The following CDK10 variants were observed in gnomAD, a reference collection of about 807,000 sequenced individuals.
The protein encoded by CDK10 is cyclin dependent kinase 10.
CDK10 carries 55 observed loss-of-function variants against 51.0 expected under a neutral mutation model. The observed-to-expected ratio is 1.08, with a 90% confidence interval of 0.87 to 1.35. The LOEUF is 1.35. Among genes scored for constraint, CDK10 ranks in the 40% most tolerant of loss-of-function variants. The pLI, the probability that CDK10 is intolerant of heterozygous loss-of-function variation, is 0.00. For missense variants in CDK10, 589 were observed against 485.1 expected (o/e 1.21, Z -2.01); for synonymous variants, 255 against 199.1 (o/e 1.28, Z -2.36).
At chr16:89,689,628 G>A in intron 2 of CDK10, 1 of 346,852 alleles carries the variant, frequency 2.9e-6, no homozygotes, top group Non-Finnish European at 5.4e-6. Flanking sequence ...GCTGGACATG[G>A]TGCTCATGTC....
At chr16:89,689,009 A>G (rs2060323859) in intron 1 of CDK10, among the ~76,000 whole-genome samples, 1 of 152,210 alleles carries the variant, frequency 6.6e-6, no homozygotes, top group African/African-American at 2.4e-5. Flanking sequence ...CTGAGGCCGG[A>G]GAATCACTTG....
chr16:89,694,441 A>G (rs1033316605), intron 9 of CDK10: 10 of 863,446 alleles, frequency 1.2e-5, no homozygotes, highest in Admixed American at 2.2e-5. Flanking sequence ...GGGAGCACAG[A>G]GGTCTGGAGG....
intron 1 of CDK10, chr16:89,687,681 G>A (rs779191838): frequency 8.7e-5 from 38 of 436,446 alleles, no homozygotes; most frequent in Non-Finnish European, 1.4e-4. Flanking sequence ...TTCCTGCCTC[G>A]GCCTCCCAAG....
chr16:89,695,893 G>A lies in CDK10; in HGVS notation c.*201G>A, dbSNP rs906633397. ...GAAAAAGGCCGGGTGACACCGGGGG[G>A]CTCCCAGCCCGTGCACCCTGGAAGG... On this transcript the variant is annotated 3_prime_UTR_variant, in exon 13 of 13. Coordinates refer to ENST00000353379, the MANE Select transcript of CDK10 (RefSeq NM_052988.5). 4 of 1,234,602 alleles carry A rather than the reference G, an allele frequency of 3.2e-6. No individual in the cohort carries two copies. The African/African-American group carries it at 4.5e-5, about 14-fold the overall frequency. The allele number at this position is 1,234,602 out of a possible 1,614,324, so 76.5% of individuals were successfully genotyped here.
chr16:89,694,334 C>A, intron 9 of CDK10, 102 bp downstream of exon 9: 4 of 1,246,364 alleles, frequency 3.2e-6, no homozygotes, highest in Non-Finnish European at 4.6e-6. Flanking sequence ...GGCAGGAGTG[C>A]AGTGGGGTCT....
intron 6 of CDK10, among the ~76,000 whole-genome samples, chr16:89,692,842 TAATA>T (rs2060512937): frequency 6.7e-6 from 1 of 149,778 alleles, no homozygotes; most frequent in South Asian, 2.2e-4. Flanking sequence ...AAAAAAAAAA[TAATA>T]AAGATACTAC....
chr16:89,686,986 C>T (rs958232581), intron 1 of CDK10, 189 bp downstream of exon 1: 5 of 525,508 alleles, frequency 9.5e-6, no homozygotes, highest in Non-Finnish European at 1.7e-5. Context: ...ACAGCCGGTC[C>T]CTGGAGATCT....
chr16:89,691,235 A>G (rs2060431057), intron 3 of CDK10, among the ~76,000 whole-genome samples: 1 of 151,904 alleles, frequency 6.6e-6, no homozygotes, highest in Admixed American at 6.6e-5. Context: ...CGGTGAGCCG[A>G]GATGGTGCCA....
chr16:89,689,418 G>A (rs1386146919), intron 2 of CDK10, 94 bp downstream of exon 2: 2 of 1,051,784 alleles, frequency 1.9e-6, no homozygotes, highest in Non-Finnish European at 3.0e-6. Flanking sequence ...GGGGCTGGAA[G>A]GGACTCAGAC....
chr16:89,691,703 A>C, intron 4 of CDK10, 103 bp from the exon 5 acceptor site: 1 of 1,303,458 alleles, frequency 7.7e-7, no homozygotes, highest in Non-Finnish European at 1.1e-6. Context: ...TCTGAGGGGG[A>C]CACAGGTTGT....
chr16:89,695,226 G>C (rs2060660187), intron 11 of CDK10, 67 bp from the exon 12 acceptor site: 2 of 1,557,128 alleles, frequency 1.3e-6, no homozygotes, highest in South Asian at 1.2e-5. Context: ...ATCACAGGCT[G>C]CTCAGCTGGG....
chr16:89,692,221 G>C (rs1042752611), intron 5 of CDK10: 3 of 545,904 alleles, frequency 5.5e-6, no homozygotes, highest in African/African-American at 3.9e-5. Flanking sequence ...GAGGGCACTG[G>C]TTTTCTGGGC....
rs2060213282 is a variant in CDK10, at chr16:89,686,893, C to T, written c.87+96C>T. 2.8e-6 allele frequency: 3 copies of T among 1,070,130 alleles called. No individual in the cohort carries two copies. In the Admixed American group the frequency reaches 7.7e-5, roughly 27 times the overall value. The allele number at this position is 1,070,130 out of a possible 1,614,324, so 66.3% of individuals were successfully genotyped here. On this transcript the variant is annotated intron_variant, in intron 1 of 12. Transcript: ENST00000353379. ...CTCGTGTCGCGCTGCCGCGCCGAGGCTTCCGGCACGGGCGGGAACGACAGT... is the reference window on the plus strand; with the variant it reads ...CTCGTGTCGCGCTGCCGCGCCGAGGTTTCCGGCACGGGCGGGAACGACAGT...
rs753916616 is a variant in CDK10 at position 89,692,563 on chromosome 16, C to T, written c.485+47C>T. ...TTGGAAGCACAAATTCGGCTGAGGCCTAACTCTGCTGCCCCTGTGGAGTTA... is the reference window on the plus strand; with the variant it reads ...TTGGAAGCACAAATTCGGCTGAGGCTTAACTCTGCTGCCCCTGTGGAGTTA... On this transcript the variant is annotated intron_variant, in intron 6 of 12. Coordinates refer to ENST00000353379, the MANE Select transcript of CDK10 (RefSeq NM_052988.5). 6 of 1,452,436 alleles carry T rather than the reference C, an allele frequency of 4.1e-6. No individual in the cohort carries two copies. In the South Asian group the frequency reaches 7.7e-5, roughly 19 times the overall value. The allele number at this position is 1,452,436 out of a possible 1,614,324, so 90.0% of individuals were successfully genotyped here. A position where few individuals can be genotyped will look rare whatever the true frequency, so the allele number is the denominator to read the frequency against.
chr16:89,686,725 T>G lies in CDK10; in HGVS notation c.15T>G (p.Asp5Glu), dbSNP rs773033679. 2.5e-6 allele frequency: 4 copies of G among 1,608,076 alleles called. No individual in the cohort carries two copies. Among genetic ancestry groups the G allele is most frequent in the African/African-American group, 1.3e-5 (1 of 74,796 alleles). MAEP[D>E]LECEQIRLKC... is the part of the protein sequence containing the mutation. ...CAGCGCTCGGCATGGCGGAGCCAGA[T>G]CTGGAGTGCGAGCAGATCCGTCTGA... Residue 5 changes from aspartate to glutamate, a missense_variant, in exon 1 of 13, where the codon GAT (aspartate) becomes GAG (glutamate). By Grantham distance (45) the Asp-to-Glu change is conservative. Transcript: ENST00000353379.
chr16:89,690,593 G>C lies in CDK10; in HGVS notation c.201G>C (p.Leu67=). 6.2e-7 allele frequency: 1 copy of C among 1,614,162 alleles called. No individual in the cohort carries two copies. The highest frequency in any genetic ancestry group is 8.5e-7 in the Non-Finnish European group (1 of 1,179,994). ...CCCAGACAGATGAGATTGTCGCACT[G>C]AAGAAGGTGCGGATGGACAAGGAGA... ...RDTQTDEIVA[L]KKVRMDKEKD... is the part of the protein sequence containing the mutation. Residue 67 remains leucine (L), a synonymous_variant, in exon 3 of 13, where the codon CTG becomes CTC. Transcript: ENST00000353379.
At chr16:89,689,546 C>G in intron 2 of CDK10, 1 of 562,102 alleles carries the variant, frequency 1.8e-6, no homozygotes, top group Non-Finnish European at 3.2e-6. Flanking sequence ...TGCCCATAAT[C>G]CAAACGTGTC....
rs1371688455 is a variant in CDK10, at chr16:89,695,866, C to A, written c.*174C>A. 6 of 1,446,282 alleles carry A rather than the reference C, an allele frequency of 4.1e-6. No homozygotes were observed. The highest frequency in any genetic ancestry group is 2.0e-5 in the Admixed American group (1 of 50,662). The allele number at this position is 1,446,282 out of a possible 1,614,324, so 89.6% of individuals were successfully genotyped here. On this transcript the variant is annotated 3_prime_UTR_variant, in exon 13 of 13. Coordinates refer to ENST00000353379, the MANE Select transcript of CDK10 (RefSeq NM_052988.5). The stretch of plus-strand genomic sequence containing the variant: ...TCTGCCCTGAACCCACTGCTGCCCC[C>A]AGAAAAAGGCCGGGTGACACCGGGG...
chr16:89,693,330 G>T lies in CDK10; in HGVS notation c.538+4G>T. Reference sequence around the variant, plus strand: ...GACAAGGGTTGTGTGAAGACAGGTGGGTGCAACTTGGGCCAGGCCCTGTCC... The same window carrying T: ...GACAAGGGTTGTGTGAAGACAGGTGTGTGCAACTTGGGCCAGGCCCTGTCC... On this transcript the variant is annotated splice_donor_region_variant and intron_variant, in intron 7 of 12. Transcript: ENST00000353379. 1 of 1,614,078 alleles carries T rather than the reference G, an allele frequency of 6.2e-7. No homozygotes were observed. Among genetic ancestry groups the T allele is most frequent in the Non-Finnish European group, 8.5e-7 (1 of 1,180,014 alleles).
Sources: gnomAD v4.1 joint callset for allele counts (sites outside exome capture counted in the v4.1 genomes callset) on GRCh38, gnomAD v4.1.1 for gene constraint, MANE v1.5 for transcripts, NCBI Gene and HGNC (gene_info 2026-07-23, HGNC 2026-07-21) for gene names.